R3HDM2: variants seen among roughly 807,000 people sequenced by gnomAD.
The protein encoded by R3HDM2 is R3H domain-containing protein 2.
In R3HDM2, 38 loss-of-function variants were observed where a neutral mutation model predicts 124.5. That is an observed-to-expected ratio of 0.31 (90% CI 0.24 to 0.40). R3HDM2 has a LOEUF of 0.40. Among genes scored for constraint, R3HDM2 ranks in the 10% least tolerant of loss-of-function variants. The pLI, the probability that R3HDM2 is intolerant of heterozygous loss-of-function variation, is 1.00. For missense variants in R3HDM2, 869 were observed against 1,236.9 expected (o/e 0.70, Z 4.46); for synonymous variants, 391 against 448.0 (o/e 0.87, Z 1.61).
At chr12:57,383,296 G>C (rs990760236) in intron 2 of R3HDM2, among the ~76,000 whole-genome samples, 2 of 152,108 alleles carry the variant, frequency 1.3e-5, no homozygotes, top group Non-Finnish European at 2.9e-5. Flanking sequence ...CTCCAACCTG[G>C]AGTGAGACCC....
chr12:57,320,088 G>T (rs1593222091), intron 2 of R3HDM2, among the ~76,000 whole-genome samples: 1 of 151,356 alleles, frequency 6.6e-6, no homozygotes, highest in African/African-American at 2.4e-5. Flanking sequence ...GTGAAACCCC[G>T]TTTCTACTAA....
chr12:57,302,182 A>G (rs547787370), intron 4 of R3HDM2, among the ~76,000 whole-genome samples: 32 of 151,400 alleles, frequency 2.1e-4, no homozygotes, highest in African/African-American at 7.5e-4. Flanking sequence ...TTGGGAGGCT[A>G]AGGCATGAGA....
chr12:57,263,657 T>C (rs956560327), intron 19 of R3HDM2, among the ~76,000 whole-genome samples: 2 of 152,072 alleles, frequency 1.3e-5, no homozygotes, highest in Non-Finnish European at 2.9e-5. Flanking sequence ...TTAGTAGAGA[T>C]GGGGTTTTGC....
chr12:57,430,521 C>T (rs1365487345), intron 1 of R3HDM2, 199 bp downstream of exon 1: 1 of 985,054 alleles, frequency 1.0e-6, no homozygotes, highest in Non-Finnish European at 1.2e-6. Flanking sequence ...CCCCGCGCCC[C>T]CAGCTTCTCT....
intron 11 of R3HDM2, among the ~76,000 whole-genome samples, chr12:57,289,698 T>G (rs915214421): frequency 6.6e-6 from 1 of 152,068 alleles, no homozygotes; most frequent in African/African-American, 2.4e-5. Context: ...GTACCAAGAG[T>G]GTCCAGCTGC....
Position 57,254,399 on chromosome 12 carries a change from G to T in R3HDM2, c.*374C>A, listed in dbSNP as rs958071814. 11 of 368,594 alleles carry T rather than the reference G, an allele frequency of 3.0e-5. No individual in the cohort carries two copies. Among genetic ancestry groups the T allele is most frequent in the African/African-American group, 2.4e-4 (11 of 45,940 alleles). The allele number at this position is 368,594 out of a possible 1,614,324, so 22.8% of individuals were successfully genotyped here. ...GTCTGTAGTGCCAGCTACTTGGGAG[G>T]CTGAGGCAGGAGAATCACCTGAACC... On this transcript the variant is annotated 3_prime_UTR_variant, in exon 24 of 24. Coordinates refer to ENST00000402412, the MANE Select transcript of R3HDM2 (RefSeq NM_001394031.1).
chr12:57,387,590 C>T (rs1056171265), intron 2 of R3HDM2, among the ~76,000 whole-genome samples: 3 of 152,282 alleles, frequency 2.0e-5, no homozygotes, highest in East Asian at 1.9e-4. Context: ...AATGTTATAA[C>T]TCACAAAGAC....
At chr12:57,405,123 G>A (rs148007989) in intron 1 of R3HDM2, among the ~76,000 whole-genome samples, 6 of 151,966 alleles carry the variant, frequency 3.9e-5, no homozygotes, top group East Asian at 3.9e-4. Flanking sequence ...AACCTCCTGG[G>A]CTCGAGTAAT....
In R3HDM2 at chr12:57,430,529, T is replaced by A. The variant is rs866765742; in HGVS notation, c.-106+191A>T. On this transcript the variant is annotated intron_variant, in intron 1 of 23. Transcript: ENST00000402412. ...CCCTCCGCCCCGCGCCCCCAGCTTC[T>A]CTCCAGCAGCGCACACTTGGAGCAG... 37 of 977,718 alleles carry A rather than the reference T, an allele frequency of 3.8e-5. No homozygotes were observed. In the Middle Eastern group the frequency reaches 1.6e-3, roughly 42 times the overall value. 60.6% of individuals were successfully genotyped at this position (977,718 alleles called of 1,614,324 possible). A position where few individuals can be genotyped will look rare whatever the true frequency, so the allele number is the denominator to read the frequency against.
At chr12:57,365,631 A>G (rs1175970610) in intron 2 of R3HDM2, among the ~76,000 whole-genome samples, 1 of 152,178 alleles carries the variant, frequency 6.6e-6, no homozygotes, top group East Asian at 1.9e-4. Context: ...TATCATAATC[A>G]AATTGCTTAA....
intron 2 of R3HDM2, among the ~76,000 whole-genome samples, chr12:57,312,252 A>T (rs2054070189): frequency 6.6e-6 from 1 of 152,130 alleles, no homozygotes; most frequent in South Asian, 2.1e-4. Flanking sequence ...CAAGAAGCAA[A>T]GTTAGCCTCA....
intron 2 of R3HDM2, among the ~76,000 whole-genome samples, chr12:57,354,604 T>C (rs1034983099): frequency 8.5e-5 from 13 of 152,204 alleles, no homozygotes; most frequent in African/African-American, 2.6e-4. Context: ...TGCATTTTTT[T>C]AATGAGTAAT....
At chr12:57,342,711 C>T (rs2137005400) in intron 2 of R3HDM2, among the ~76,000 whole-genome samples, 1 of 152,300 alleles carries the variant, frequency 6.6e-6, no homozygotes, top group East Asian at 1.9e-4. Flanking sequence ...GAATTAAAAG[C>T]TCACCTTTAA....
intron 1 of R3HDM2, among the ~76,000 whole-genome samples, chr12:57,414,505 AAAAAAC>A (rs2069366170): frequency 6.8e-6 from 1 of 146,728 alleles, no homozygotes; most frequent in East Asian, 2.0e-4. Context: ...AAAAAAAAAA[AAAAAAC>A]GAAAAAACCA....
At chr12:57,290,455 T>C (rs1367818878) in intron 11 of R3HDM2, among the ~76,000 whole-genome samples, 1 of 152,236 alleles carries the variant, frequency 6.6e-6, no homozygotes, top group East Asian at 1.9e-4. Flanking sequence ...CTTAGGTGGC[T>C]GTTTAATCTT....
intron 14 of R3HDM2, among the ~76,000 whole-genome samples, chr12:57,270,434 TTTG>T (rs1049061446): frequency 6.6e-6 from 1 of 150,626 alleles, no homozygotes; most frequent in African/African-American, 2.4e-5. Context: ...TGTTTTGTTT[TTTG>T]TTTTTTTTGA....
chr12:57,292,981 G>A (rs1044105386), intron 10 of R3HDM2, among the ~76,000 whole-genome samples: 9 of 148,182 alleles, frequency 6.1e-5, no homozygotes, highest in Admixed American at 1.4e-4. Flanking sequence ...CAGTCAGTAA[G>A]GATCGAGAAA....
At chr12:57,303,609 A>G (rs2051805477) in intron 3 of R3HDM2, among the ~76,000 whole-genome samples, 2 of 151,682 alleles carry the variant, frequency 1.3e-5, no homozygotes, top group Admixed American at 6.6e-5. Flanking sequence ...AAAAAGACAA[A>G]GAAAAAGAAA....
At chr12:57,428,563 G>A (rs1029548928) in intron 1 of R3HDM2, among the ~76,000 whole-genome samples, 18 of 151,836 alleles carry the variant, frequency 1.2e-4, no homozygotes, top group African/African-American at 4.1e-4. Flanking sequence ...GCTGAGGCAG[G>A]AGAATGGCAT....
Sources: gnomAD v4.1 joint callset for allele counts (sites outside exome capture counted in the v4.1 genomes callset) on GRCh38, gnomAD v4.1.1 for gene constraint, MANE v1.5 for transcripts, NCBI Gene and HGNC (gene_info 2026-07-23, HGNC 2026-07-21) for gene names.